Variants in CNBD1 observed in about 807,000 individuals in gnomAD.
The protein encoded by CNBD1 is cyclic nucleotide binding domain containing 1, also known as cyclic nucleotide-binding domain-containing protein 1.
Under a neutral mutation model 54.4 loss-of-function variants are expected in CNBD1, and 71 were observed. The observed-to-expected ratio is 1.30, with a 90% CI of 1.08 to 1.59. The LOEUF (loss-of-function observed/expected upper bound fraction) is 1.59, where lower values mean the gene tolerates loss of function less well. Ranked by LOEUF, CNBD1 falls within the 40% of genes most tolerant of loss-of-function variation. The pLI is 0.00. For missense variants in CNBD1, 659 were observed against 518.0 expected (o/e 1.27, Z -2.64); for synonymous variants, 182 against 170.7 (o/e 1.07, Z -0.51).
chr8:87,347,307 A>T (rs1280584539), intron 8 of CNBD1, among the ~76,000 whole-genome samples: 1 of 152,222 alleles, frequency 6.6e-6, no homozygotes, highest in Non-Finnish European at 1.5e-5. Flanking sequence ...CCTTATGCTC[A>T]AGAAAACCTT....
At chr8:87,072,351 G>T (rs111264188) in intron 4 of CNBD1, among the ~76,000 whole-genome samples, 9 of 152,230 alleles carry the variant, frequency 5.9e-5, no homozygotes, top group African/African-American at 1.9e-4. Context: ...TCATCATGAT[G>T]CTAGCTGTTT....
intron 2 of CNBD1, among the ~76,000 whole-genome samples, chr8:87,413,276 G>C (rs1043848376): frequency 2.0e-5 from 3 of 152,164 alleles, no homozygotes; most frequent in Non-Finnish European, 4.4e-5. Context: ...TGCATAGTGA[G>C]TTTTGGGGTC....
At chr8:87,042,233 T>C (rs1810087953) in intron 4 of CNBD1, among the ~76,000 whole-genome samples, 1 of 152,214 alleles carries the variant, frequency 6.6e-6, no homozygotes, top group Non-Finnish European at 1.5e-5. Flanking sequence ...TGAATTTGTC[T>C]ATTAAATATA....
chr8:87,374,130 G>A (rs1441236527), intron 10 of CNBD1, among the ~76,000 whole-genome samples: 1 of 151,674 alleles, frequency 6.6e-6, no homozygotes, highest in Non-Finnish European at 1.5e-5. Flanking sequence ...TCAGAATGTA[G>A]GCAATAATGT....
intron 4 of CNBD1, among the ~76,000 whole-genome samples, chr8:87,153,030 C>T (rs62527340): frequency 0.19 from 28,374 of 152,100 alleles, 2,952 homozygotes; most frequent in Non-Finnish European, 0.24. Context: ...GCTCCATAGC[C>T]TTCGTTCTAC....
chr8:87,269,234 T>C (rs1479771462), intron 6 of CNBD1, among the ~76,000 whole-genome samples: 1 of 152,042 alleles, frequency 6.6e-6, no homozygotes, highest in Non-Finnish European at 1.5e-5. Flanking sequence ...TGGCTGTAGG[T>C]ATATGGCTTT....
At chr8:87,359,502 C>T (rs1810487640) in intron 10 of CNBD1, among the ~76,000 whole-genome samples, 1 of 151,842 alleles carries the variant, frequency 6.6e-6, no homozygotes, top group South Asian at 2.1e-4. Flanking sequence ...TATTCTATTC[C>T]AAGATAGTTA....
At chr8:87,135,443 A>G (rs1490478576) in intron 4 of CNBD1, among the ~76,000 whole-genome samples, 3 of 151,512 alleles carry the variant, frequency 2.0e-5, no homozygotes, top group Non-Finnish European at 4.4e-5. Context: ...AGCAAATGTC[A>G]TGGTAGATTA....
intron 3 of CNBD1, among the ~76,000 whole-genome samples, chr8:86,930,274 A>G (rs1285835965): frequency 6.6e-6 from 1 of 152,180 alleles, no homozygotes; most frequent in Non-Finnish European, 1.5e-5. Flanking sequence ...AGGCCTAGAT[A>G]TTTGACTTGT....
rs149167914 is a variant in CNBD1 at position 86,948,906 on chromosome 8, C to G, written c.431+9152C>G. Among the ~76,000 whole-genome samples the G allele has an allele frequency of 3.7e-3, 562 of 152,194 alleles. 5 individuals carry two copies. Among genetic ancestry groups the G allele is most frequent in the African/African-American group, 0.012 (504 of 41,528 alleles). On this transcript the variant is annotated intron_variant, in intron 4 of 10. Transcript: ENST00000518476. ...AGTTTGTGTTCTTAGATTTAAGACT[C>G]TAATCCATTTTGATTTGATTTTTGT...
intron 3 of CNBD1, among the ~76,000 whole-genome samples, chr8:86,905,861 C>T (rs1024127273): frequency 7.9e-5 from 12 of 152,234 alleles, no homozygotes; most frequent in African/African-American, 2.4e-4. Flanking sequence ...ATTTTCACTT[C>T]CTGGATATAG....
chr8:87,360,850 C>G (rs1810511265), intron 10 of CNBD1, among the ~76,000 whole-genome samples: 2 of 151,800 alleles, frequency 1.3e-5, no homozygotes, highest in Non-Finnish European at 2.9e-5. Flanking sequence ...GGAAGAATGC[C>G]TAAAGACTAT....
At chr8:86,928,384 A>G (rs2131832208) in intron 3 of CNBD1, among the ~76,000 whole-genome samples, 1 of 152,282 alleles carries the variant, frequency 6.6e-6, no homozygotes, top group South Asian at 2.1e-4. Flanking sequence ...GTGCCTCTTG[A>G]GTATTTCATT....
intron 4 of CNBD1, among the ~76,000 whole-genome samples, chr8:86,976,934 C>A (rs1170542862): frequency 6.6e-6 from 1 of 151,684 alleles, no homozygotes; most frequent in East Asian, 1.9e-4. Flanking sequence ...TTTTGGAATC[C>A]TTAGGATTAT....
chr8:87,292,009 A>G (rs1808795753), intron 8 of CNBD1, among the ~76,000 whole-genome samples: 1 of 152,216 alleles, frequency 6.6e-6, no homozygotes, highest in Admixed American at 6.5e-5. Context: ...TTCTTCCAAA[A>G]GAAAATAATT....
At chr8:87,294,053 C>A (rs944953222) in intron 8 of CNBD1, among the ~76,000 whole-genome samples, 1 of 151,856 alleles carries the variant, frequency 6.6e-6, no homozygotes, top group Non-Finnish European at 1.5e-5. Flanking sequence ...CAGAAGAGAC[C>A]TGAAAAAGTC....
intron 2 of CNBD1, among the ~76,000 whole-genome samples, chr8:87,392,736 A>G (rs567790692): frequency 6.6e-6 from 1 of 152,056 alleles, no homozygotes; most frequent in South Asian, 2.1e-4. Context: ...GATTCCAGTG[A>G]TGATTGCCCA....
chr8:87,189,128 A>T (rs1229928337), intron 4 of CNBD1, among the ~76,000 whole-genome samples: 2 of 152,144 alleles, frequency 1.3e-5, no homozygotes, highest in East Asian at 3.9e-4. Flanking sequence ...GTAATCTGTG[A>T]TTATTGTGTT....
At chr8:87,392,157 G>A (rs1390610833) in intron 2 of CNBD1, among the ~76,000 whole-genome samples, 5 of 151,970 alleles carry the variant, frequency 3.3e-5, no homozygotes, top group Admixed American at 3.3e-4. Context: ...ACAATAACAA[G>A]TGTTGTCAAA....
Sources: gnomAD v4.1 joint callset for allele counts (sites outside exome capture counted in the v4.1 genomes callset) on GRCh38, gnomAD v4.1.1 for gene constraint, MANE v1.5 for transcripts, NCBI Gene and HGNC (gene_info 2026-07-23, HGNC 2026-07-21) for gene names.